Variants in EYS observed in about 807,000 individuals in gnomAD.
EYS encodes EGF-like photoreceptor maintenance factor.
EYS carries 250 observed loss-of-function variants against 282.1 expected under a neutral mutation model. The ratio of observed to expected loss-of-function variants is 0.89; its 90% CI spans 0.80 to 0.98. EYS has a LOEUF of 0.98. Ranked by LOEUF, EYS falls within the 50% of genes least tolerant of loss-of-function variation. The probability of loss-of-function intolerance (pLI) is 0.00; values close to 1 mark genes in which losing one functional copy is unlikely to be tolerated. For missense variants in EYS, 4,016 were observed against 3,709.0 expected (o/e 1.08, Z -2.15); for synonymous variants, 1,355 against 1,282.9 (o/e 1.06, Z -1.20).
At chr6:65,358,599 A>AGTGT (rs61588307) in intron 8 of EYS, among the ~76,000 whole-genome samples, 4,478 of 140,858 alleles carry the variant, frequency 0.032, 101 homozygotes, top group East Asian at 0.081. Flanking sequence ...AGGTTTCTGA[A>AGTGT]GTGTGTGTGT....
At chr6:64,473,946 A>G (rs1776194216) in intron 26 of EYS, among the ~76,000 whole-genome samples, 1 of 152,220 alleles carries the variant, frequency 6.6e-6, no homozygotes, top group South Asian at 2.1e-4. Flanking sequence ...TCAAGAAACA[A>G]TTATTTGCTC....
intron 8 of EYS, among the ~76,000 whole-genome samples, chr6:65,378,181 T>G (rs2150346995): frequency 6.6e-6 from 1 of 152,116 alleles, no homozygotes; most frequent in African/African-American, 2.4e-5. Flanking sequence ...TTAAACAAAT[T>G]TACAAGACAA....
At chr6:64,514,149 T>C (rs753344356) in intron 26 of EYS, among the ~76,000 whole-genome samples, 1 of 151,746 alleles carries the variant, frequency 6.6e-6, no homozygotes, top group Non-Finnish European at 1.5e-5. Flanking sequence ...GCTCCCCTAT[T>C]GATTGTGATC....
intron 12 of EYS, among the ~76,000 whole-genome samples, chr6:65,216,327 G>A (rs1766312786): frequency 8.6e-5 from 13 of 151,908 alleles, no homozygotes; most frequent in Admixed American, 8.5e-4. Flanking sequence ...TGTTCAAATT[G>A]TATGAATACC....
intron 35 of EYS, among the ~76,000 whole-genome samples, chr6:63,872,477 G>GTT (rs3041455): frequency 0.028 from 3,346 of 119,300 alleles, 233 homozygotes; most frequent in African/African-American, 0.099. Flanking sequence ...CCTAAATATG[G>GTT]TTTTTTTTTT....
At chr6:63,973,125 C>T (rs1010310326) in intron 35 of EYS, among the ~76,000 whole-genome samples, 6 of 152,134 alleles carry the variant, frequency 3.9e-5, no homozygotes, top group Admixed American at 1.3e-4. Context: ...CTTGAGGAAT[C>T]GCCACACTGT....
intron 28 of EYS, among the ~76,000 whole-genome samples, chr6:64,400,052 G>A (rs913289637): frequency 6.6e-6 from 1 of 151,858 alleles, no homozygotes; most frequent in African/African-American, 2.4e-5. Context: ...ATAAATAAAT[G>A]AACAGAAGAA....
chr6:63,730,317 T>A (rs1768750754), intron 41 of EYS, among the ~76,000 whole-genome samples: 1 of 152,224 alleles, frequency 6.6e-6, no homozygotes, highest in Non-Finnish European at 1.5e-5. Flanking sequence ...TCTCTTCACA[T>A]ACATTTTATA....
At chr6:64,512,007 C>A (rs1035700379) in intron 26 of EYS, among the ~76,000 whole-genome samples, 1 of 152,034 alleles carries the variant, frequency 6.6e-6, no homozygotes, top group African/African-American at 2.4e-5. Context: ...CTTTTCTATA[C>A]CTTGTCCTTT....
chr6:63,764,211 C>A (rs1461242887), intron 40 of EYS, among the ~76,000 whole-genome samples: 1 of 151,906 alleles, frequency 6.6e-6, no homozygotes, highest in Non-Finnish European at 1.5e-5. Context: ...CTGATCACAC[C>A]TTCCCAGACC....
chr6:64,975,620 G>A (rs2150113479), intron 14 of EYS, among the ~76,000 whole-genome samples: 1 of 151,808 alleles, frequency 6.6e-6, no homozygotes, highest in African/African-American at 2.4e-5. Context: ...ATATTGTTTA[G>A]CTAAAATAGA....
intron 1 of EYS, among the ~76,000 whole-genome samples, chr6:65,704,104 A>C (rs1426926294): frequency 6.6e-6 from 1 of 152,230 alleles, no homozygotes; most frequent in Admixed American, 6.5e-5. Context: ...GAACAAGCCC[A>C]GTATTAAATA....
chr6:63,758,941 T>G (rs1400385053), intron 41 of EYS, among the ~76,000 whole-genome samples: 1 of 152,104 alleles, frequency 6.6e-6, no homozygotes, highest in East Asian at 1.9e-4. Context: ...TTGTAGAAAC[T>G]GTTTGTAAAC....
At chr6:65,328,199 G>C (rs1381563215) in intron 11 of EYS, among the ~76,000 whole-genome samples, 1 of 151,270 alleles carries the variant, frequency 6.6e-6, no homozygotes, top group Non-Finnish European at 1.5e-5. Context: ...AAATTAAACT[G>C]TTCCAGTCAA....
chr6:65,184,690 A>G (rs1175529325), intron 12 of EYS, among the ~76,000 whole-genome samples: 1 of 151,792 alleles, frequency 6.6e-6, no homozygotes, highest in Non-Finnish European at 1.5e-5. Flanking sequence ...TGAATTTAAA[A>G]ATAATTAAGA....
Position 64,619,620 on chromosome 6 carries a change from G to T in EYS, c.3569-2087C>A, listed in dbSNP as rs368290366. On this transcript the variant is annotated intron_variant, in intron 23 of 42. Coordinates refer to ENST00000503581, the MANE Select transcript of EYS (RefSeq NM_001142800.2). ...GGGAAATAGGGGCACTATTTGTCTCGTTCCAGGGTTACATTTGTTTTGTTT... is the reference window on the plus strand; with the variant it reads ...GGGAAATAGGGGCACTATTTGTCTCTTTCCAGGGTTACATTTGTTTTGTTT... Among the ~76,000 whole-genome samples the T allele has an allele frequency of 3.3e-5, 5 of 152,160 alleles. No individual in the cohort carries two copies. In the East Asian group the frequency reaches 9.6e-4, roughly 29 times the overall value.
chr6:64,602,661 A>T (rs538046296), intron 24 of EYS, among the ~76,000 whole-genome samples: 81 of 152,212 alleles, frequency 5.3e-4, no homozygotes, highest in African/African-American at 1.9e-3. Flanking sequence ...TTGGTAAATT[A>T]TTTGAAAATT....
intron 30 of EYS, among the ~76,000 whole-genome samples, chr6:64,258,714 G>A (rs186531069): frequency 2.7e-4 from 41 of 152,178 alleles, no homozygotes; most frequent in Non-Finnish European, 1.5e-5. Context: ...CTTCTAGGCT[G>A]CTCACATTCT....
chr6:64,992,034 A>G (rs2150122929), intron 14 of EYS, among the ~76,000 whole-genome samples: 1 of 151,918 alleles, frequency 6.6e-6, no homozygotes, highest in Non-Finnish European at 1.5e-5. Context: ...TAAATTATCT[A>G]AATGCCTGGA....
Sources: gnomAD v4.1 joint callset for allele counts (sites outside exome capture counted in the v4.1 genomes callset) on GRCh38, gnomAD v4.1.1 for gene constraint, MANE v1.5 for transcripts, NCBI Gene and HGNC (gene_info 2026-07-23, HGNC 2026-07-21) for gene names.